TMEM17: variants seen among roughly 807,000 people sequenced by gnomAD.
TMEM17 encodes the protein transmembrane protein 17.
In TMEM17, 15 loss-of-function variants were observed where a neutral mutation model predicts 19.1. The ratio of observed to expected loss-of-function variants is 0.78; its 90% confidence interval spans 0.52 to 1.21. The LOEUF is 1.21. Ranked by LOEUF, TMEM17 falls within the 50% of genes most tolerant of loss-of-function variation. The probability of loss-of-function intolerance (pLI) is 0.00; values close to 1 mark genes in which losing one functional copy is unlikely to be tolerated. For missense variants in TMEM17, 245 were observed against 242.3 expected, an observed-to-expected ratio of 1.01 and a Z score of -0.07; for synonymous variants, 103 against 86.9, an observed-to-expected ratio of 1.19 and a Z score of -1.03.
the TMEM17 span, among the ~76,000 whole-genome samples, chr2:62,472,921 C>T: frequency 5.6e-3 from 858 of 152,290 alleles, 7 homozygotes; most frequent in African/African-American, 0.02. Context: ...AGAGCTCAGC[C>T]GTGGCTGGCC....
the TMEM17 span, among the ~76,000 whole-genome samples, chr2:62,468,601 CAGTGGACTGAGTGTT>C: frequency 7.2e-5 from 11 of 152,162 alleles, no homozygotes; most frequent in Admixed American, 7.2e-4. Flanking sequence ...AGGGTTGTCA[CAGTGGACTGAGTGTT>C]CACCATAGAG....
chr2:62,459,594 T>A, the TMEM17 span, among the ~76,000 whole-genome samples: 2 of 152,242 alleles, frequency 1.3e-5, no homozygotes, highest in Non-Finnish European at 2.9e-5. Flanking sequence ...CAAACTAACT[T>A]ATTTTACACA....
In TMEM17 at chr2:62,501,105, C is replaced by T; in HGVS notation, c.*104G>A. On this transcript the variant is annotated 3_prime_UTR_variant, in exon 4 of 4. Transcript: ENST00000335390. ...TGGAATTTCAGAGTGAGAGCATATA[C>T]AATTCAAAACACTTGCTTTGTCCCT... 1 of 1,325,948 alleles carries T rather than the reference C, an allele frequency of 7.5e-7. No individual in the cohort carries two copies. The highest frequency in any genetic ancestry group is 1.0e-6 in the Non-Finnish European group (1 of 964,890). 82.1% of individuals were successfully genotyped at this position (1,325,948 alleles called of 1,614,324 possible). A position where few individuals can be genotyped will look rare whatever the true frequency, so the allele number is the denominator to read the frequency against.
the TMEM17 span, among the ~76,000 whole-genome samples, chr2:62,480,414 C>G: frequency 1.8e-4 from 27 of 152,284 alleles, no homozygotes; most frequent in Admixed American, 5.2e-4. Context: ...GCCTTTTCAA[C>G]TTGATGTGAT....
chr2:62,491,096 A>C, the TMEM17 span: 5 of 152,204 alleles, frequency 3.3e-5, no homozygotes, highest in Non-Finnish European at 5.8e-5. Flanking sequence ...AAAAAAAAAA[A>C]AAAAAAAAAC....
At chr2:62,490,634 A>T in the TMEM17 span, among the ~76,000 whole-genome samples, 212 of 152,346 alleles carry the variant, frequency 1.4e-3, 1 homozygote, top group African/African-American at 5.0e-3. Flanking sequence ...TTAAAATTTT[A>T]AAACACTTTG....
intron 1 of TMEM17, among the ~76,000 whole-genome samples, chr2:62,503,684 T>C (rs1284072346): frequency 6.6e-6 from 1 of 152,254 alleles, no homozygotes; most frequent in East Asian, 1.9e-4. Flanking sequence ...TAGTCCTCTT[T>C]CCTTCTTCTC....
the TMEM17 span, among the ~76,000 whole-genome samples, chr2:62,464,278 G>A: frequency 3.3e-5 from 5 of 152,268 alleles, no homozygotes; most frequent in Non-Finnish European, 7.3e-5. Context: ...AACACGCCCT[G>A]TGGGGCTTTT....
downstream of TMEM17, among the ~76,000 whole-genome samples, chr2:62,497,029 G>T (rs150478938): frequency 1.9e-3 from 291 of 152,300 alleles, 1 homozygote; most frequent in African/African-American, 6.6e-3. Context: ...GTATTTCATT[G>T]TGTTTACTCT....
the TMEM17 span, among the ~76,000 whole-genome samples, chr2:62,458,488 G>C: frequency 3.3e-5 from 5 of 152,214 alleles, no homozygotes; most frequent in African/African-American, 9.7e-5. Context: ...CCAGCCATGA[G>C]GCTTTGGGAA....
chr2:62,500,955 C>A lies in TMEM17; in HGVS notation c.*254G>T. The A allele has an allele frequency of 5.8e-6, 2 of 347,468 alleles. No individual in the cohort carries two copies. The highest frequency in any genetic ancestry group is 7.4e-5 in the South Asian group (1 of 13,586). The allele number at this position is 347,468 out of a possible 1,614,324, so 21.5% of individuals were successfully genotyped here. On this transcript the variant is annotated 3_prime_UTR_variant, in exon 4 of 4. Transcript: ENST00000335390. ...AACCACCAATACATAGATTTCTACACTCCTGAAAAAGACAACAACATCAAA... is the reference window on the plus strand; with the variant it reads ...AACCACCAATACATAGATTTCTACAATCCTGAAAAAGACAACAACATCAAA...
chr2:62,475,142 G>T, the TMEM17 span, among the ~76,000 whole-genome samples: 1 of 152,344 alleles, frequency 6.6e-6, no homozygotes, highest in East Asian at 1.9e-4. Context: ...GCAGCAGGAA[G>T]GGGGCTGCCC....
the TMEM17 span, among the ~76,000 whole-genome samples, chr2:62,484,800 T>C: frequency 1.3e-5 from 2 of 152,208 alleles, no homozygotes; most frequent in African/African-American, 4.8e-5. Flanking sequence ...CTGTTTTCCA[T>C]ATTGTTTGGA....
chr2:62,456,934 C>T, the TMEM17 span, among the ~76,000 whole-genome samples: 2 of 152,260 alleles, frequency 1.3e-5, no homozygotes, highest in Admixed American at 6.5e-5. Context: ...GCCTCGCGCC[C>T]AGGTCCTCCC....
At chr2:62,476,894 G>T in the TMEM17 span, among the ~76,000 whole-genome samples, 1 of 152,216 alleles carries the variant, frequency 6.6e-6, no homozygotes, top group Admixed American at 6.5e-5. Flanking sequence ...GGTTACAGAA[G>T]AATGTTATCT....
chr2:62,462,935 G>A, the TMEM17 span, among the ~76,000 whole-genome samples: 2 of 152,108 alleles, frequency 1.3e-5, no homozygotes, highest in African/African-American at 4.8e-5. Context: ...TCCTCTGTCC[G>A]GACTTGGGTA....
chr2:62,498,547 T>C (rs1408305881), downstream of TMEM17, among the ~76,000 whole-genome samples: 2 of 149,226 alleles, frequency 1.3e-5, no homozygotes, highest in East Asian at 3.9e-4. Context: ...AAACCCCGTC[T>C]CTACTAAAAA....
chr2:62,461,726 A>G, the TMEM17 span, among the ~76,000 whole-genome samples: 1 of 152,164 alleles, frequency 6.6e-6, no homozygotes, highest in East Asian at 1.9e-4. Flanking sequence ...CCTGGAATTT[A>G]CCATCTCATT....
At chr2:62,505,986 C>T in intron 1 of TMEM17, 44 bp downstream of exon 1, 1 of 1,543,848 alleles carries the variant, frequency 6.5e-7, no homozygotes, top group Non-Finnish European at 8.8e-7. Flanking sequence ...CCACGCCAAG[C>T]CCTCGGCAGG....
Sources: allele counts gnomAD v4.1 joint callset (sites outside exome capture counted in the v4.1 genomes callset), GRCh38; gene constraint gnomAD v4.1.1; transcripts MANE v1.5; gene names NCBI Gene and HGNC (gene_info 2026-07-23, HGNC 2026-07-21).